The following AGAP1 variants were observed in gnomAD, a reference collection of about 807,000 sequenced individuals.
The protein encoded by AGAP1 is arf-GAP with GTPase, ANK repeat and PH domain-containing protein 1.
A neutral mutation model predicts 105.3 loss-of-function variants in AGAP1; 29 were observed. That is an observed-to-expected ratio of 0.28 (90% CI 0.21 to 0.38). The LOEUF (loss-of-function observed/expected upper bound fraction) is 0.38, where lower values mean the gene tolerates loss of function less well. Among genes scored for constraint, AGAP1 ranks in the 10% least tolerant of loss-of-function variants. The probability of loss-of-function intolerance (pLI) is 1.00; values close to 1 mark genes in which losing one functional copy is unlikely to be tolerated. For synonymous variants in AGAP1, 509 were observed against 485.9 expected (o/e 1.05, Z -0.63); for missense variants, 998 against 1,165.1 (o/e 0.86, Z 2.09).
chr2:235,670,653 C>T (rs1011049098), intron 1 of AGAP1: 46 of 641,778 alleles, frequency 7.2e-5, no homozygotes, highest in Non-Finnish European at 1.2e-4. Context: ...GCCTGGGCGC[C>T]GTGCGACGAG....
rs1559221095 is a variant in AGAP1 at position 236,044,234 on chromosome 2, C to T, written c.1891+3393C>T. Reference sequence around the variant, plus strand: ...ACCTGTTCAGCATGGCCCAACCCAGCATGTCCCAGGCCCATCGGACAGTGG... The same window carrying T: ...ACCTGTTCAGCATGGCCCAACCCAGTATGTCCCAGGCCCATCGGACAGTGG... On this transcript the variant is annotated intron_variant, in intron 15 of 17. Transcript: ENST00000304032. The surrounding 1 kb of genome is among the most constrained non-coding windows in gnomAD (Gnocchi z 5.7). Among the ~76,000 whole-genome samples, 1 of 152,208 alleles carries T rather than the reference C, an allele frequency of 6.6e-6. No individual in the cohort carries two copies. Among genetic ancestry groups the T allele is most frequent in the African/African-American group, 2.4e-5 (1 of 41,452 alleles).
In AGAP1 at chr2:235,877,443, G is replaced by T. The variant is rs55732892; in HGVS notation, c.1051-5902G>T. ...CTTTGGTGTCAGCTGCCTCGTGACC[G>T]TATCACGTGGTGACCCCAGTCTCTT... On this transcript the variant is annotated intron_variant, in intron 9 of 17. Coordinates refer to ENST00000304032, the MANE Select transcript of AGAP1 (RefSeq NM_001037131.3). This position sits in a 1 kb window ranked among gnomAD's most constrained non-coding sequence, Gnocchi z 4.3. Among the ~76,000 whole-genome samples, 8 of 152,258 alleles carry T rather than the reference G, an allele frequency of 5.3e-5. No homozygotes were observed. Among genetic ancestry groups the T allele is most frequent in the Non-Finnish European group, 1.2e-4 (8 of 68,022 alleles).
chr2:235,597,344 GC>G (rs1355932317), intron 1 of AGAP1, among the ~76,000 whole-genome samples: 6 of 152,198 alleles, frequency 3.9e-5, no homozygotes, highest in Admixed American at 6.5e-5. Flanking sequence ...TGAGGACGGG[GC>G]TTGCTTTGTC....
At chr2:235,946,413 AC>A (rs2053504717) in intron 12 of AGAP1, among the ~76,000 whole-genome samples, 1 of 150,020 alleles carries the variant, frequency 6.7e-6, no homozygotes, top group African/African-American at 2.5e-5. Flanking sequence ...CAGGTGATCC[AC>A]CTGCCTCGGC....
Position 235,570,158 on chromosome 2 carries a change from G to C in AGAP1, c.163+75309G>C, listed in dbSNP as rs187959907. ...CCCCCTAGCCTTTGCTTTACTTGCT[G>C]TGCCCAGTTCCATGAGAAGGAGTTG... is the stretch of plus-strand genomic sequence containing the variant. On this transcript the variant is annotated intron_variant, in intron 1 of 17. Transcript: ENST00000304032. Among the ~76,000 whole-genome samples the C allele has an allele frequency of 5.2e-3, 798 of 152,240 alleles. 7 individuals carry two copies. The highest frequency in any genetic ancestry group is 4.8e-3 in the Non-Finnish European group (328 of 68,032).
intron 1 of AGAP1, among the ~76,000 whole-genome samples, chr2:235,496,539 C>G (rs1479323885): frequency 6.6e-6 from 1 of 152,200 alleles, no homozygotes; most frequent in Non-Finnish European, 1.5e-5. Flanking sequence ...CTGGCTGCAT[C>G]CACAGAAGTC....
At position 235,741,725 on chromosome 2, in the gene AGAP1, G is replaced by GTTA. The variant is rs533667014; in HGVS notation, c.396+689_396+691dup. 1.8e-4 allele frequency among the ~76,000 whole-genome samples: 27 copies of GTTA among 149,738 alleles called. No homozygotes were observed. The highest frequency in any genetic ancestry group is 5.1e-4 in the African/African-American group (21 of 40,948). ...TGTTATTATTATTATTGTTGTTGTT[G>GTTA]TTATTATTATTATTGTTATTTTTTA... On this transcript the variant is annotated intron_variant, in intron 4 of 17. Transcript: ENST00000304032. This position sits in a 1 kb window ranked among gnomAD's most constrained non-coding sequence, Gnocchi z 4.9.
intron 16 of AGAP1, among the ~76,000 whole-genome samples, chr2:236,118,820 C>G (rs2125970057): frequency 6.6e-6 from 1 of 152,174 alleles, no homozygotes; most frequent in East Asian, 1.9e-4. Context: ...AATTTCTTGT[C>G]CCCCACCACC....
At chr2:235,513,765 C>T (rs1439097227) in intron 1 of AGAP1, among the ~76,000 whole-genome samples, 3 of 152,176 alleles carry the variant, frequency 2.0e-5, no homozygotes, top group East Asian at 1.9e-4. Flanking sequence ...CCATTGGGTG[C>T]ATTTCTGGCT....
At chr2:235,688,702 A>C (rs1393440330) in intron 1 of AGAP1, among the ~76,000 whole-genome samples, 1 of 152,208 alleles carries the variant, frequency 6.6e-6, no homozygotes, top group Non-Finnish European at 1.5e-5. Flanking sequence ...CAAGGGAGTC[A>C]CCGCTGCTGA....
chr2:235,956,939 A>C (rs2053977683), intron 12 of AGAP1, among the ~76,000 whole-genome samples: 1 of 152,152 alleles, frequency 6.6e-6, no homozygotes, highest in Non-Finnish European at 1.5e-5. Context: ...ACGTTTTAAA[A>C]TCTTCCTTAT....
intron 13 of AGAP1, among the ~76,000 whole-genome samples, chr2:236,029,623 C>G (rs2057164135): frequency 6.6e-6 from 1 of 152,084 alleles, no homozygotes; most frequent in African/African-American, 2.4e-5. Flanking sequence ...TAGTGGACGT[C>G]TATTGGTAAT....
chr2:235,772,822 G>GTC (rs969579123), intron 6 of AGAP1, among the ~76,000 whole-genome samples: 1 of 152,188 alleles, frequency 6.6e-6, no homozygotes, highest in Non-Finnish European at 1.5e-5. Context: ...ATGCAAGCGG[G>GTC]TCTCTCTCTG....
At position 235,842,011 on chromosome 2, in the gene AGAP1, G is replaced by T. The variant is rs1051533804; in HGVS notation, c.1050+34680G>T. Among the ~76,000 whole-genome samples the T allele has an allele frequency of 1.3e-5, 2 of 152,308 alleles. No homozygotes were observed. Among genetic ancestry groups the T allele is most frequent in the South Asian group, 4.1e-4 (2 of 4,824 alleles). On this transcript the variant is annotated intron_variant, in intron 9 of 17. Coordinates refer to ENST00000304032, the MANE Select transcript of AGAP1 (RefSeq NM_001037131.3). This position sits in a 1 kb window ranked among gnomAD's most constrained non-coding sequence, Gnocchi z 5.3. Reference sequence around the variant, plus strand: ...AATCTTGCCGTCACCACTCCATGCAGACGCTGGGATACTAAGGTTTTCACC... The same window carrying T: ...AATCTTGCCGTCACCACTCCATGCATACGCTGGGATACTAAGGTTTTCACC...
At chr2:235,541,411 G>T (rs1319497173) in intron 1 of AGAP1, among the ~76,000 whole-genome samples, 1 of 104,176 alleles carries the variant, frequency 9.6e-6, no homozygotes, top group African/African-American at 3.7e-5. Context: ...TTTTTGAGAC[G>T]AAGTCTCACT....
At chr2:235,696,472 C>T (rs565190235) in intron 1 of AGAP1, among the ~76,000 whole-genome samples, 25 of 152,220 alleles carry the variant, frequency 1.6e-4, no homozygotes, top group African/African-American at 5.8e-4. Flanking sequence ...GGTCGGGTGC[C>T]CCAGCTTCCA....
chr2:236,043,210 T>C (rs986927318), intron 15 of AGAP1, among the ~76,000 whole-genome samples: 1 of 152,190 alleles, frequency 6.6e-6, no homozygotes. Context: ...CTTTCGACAA[T>C]GTATATAAAA....
In AGAP1 at chr2:235,866,556, A is replaced by T. The variant is rs377558222; in HGVS notation, c.1051-16789A>T. 2.5e-4 allele frequency among the ~76,000 whole-genome samples: 38 copies of T among 152,278 alleles called. 1 individual carries two copies. Among genetic ancestry groups the T allele is most frequent in the African/African-American group, 8.7e-4 (36 of 41,554 alleles). On this transcript the variant is annotated intron_variant, in intron 9 of 17. Coordinates refer to ENST00000304032, the MANE Select transcript of AGAP1 (RefSeq NM_001037131.3). The surrounding 1 kb of genome is among the most constrained non-coding windows in gnomAD (Gnocchi z 6.1). ...ATGCTGGGTGCCATCAGTGTGCTGGAGGGGGAAGGGGGAGACAGCATTTCT... is the reference window on the plus strand; with the variant it reads ...ATGCTGGGTGCCATCAGTGTGCTGGTGGGGGAAGGGGGAGACAGCATTTCT...
In AGAP1 at chr2:235,737,190, G is replaced by T. The variant is rs1952304139; in HGVS notation, c.311-3773G>T. The stretch of plus-strand genomic sequence containing the variant: ...TACAACCTGGCTGCTGGAGCACCTG[G>T]CTGAATTTTATCTTATTATTCACCT... On this transcript the variant is annotated intron_variant, in intron 3 of 17. Coordinates refer to ENST00000304032, the MANE Select transcript of AGAP1 (RefSeq NM_001037131.3). This position sits in a 1 kb window ranked among gnomAD's most constrained non-coding sequence, Gnocchi z 4.5. Among the ~76,000 whole-genome samples the T allele has an allele frequency of 6.6e-6, 1 of 152,064 alleles. No individual in the cohort carries two copies. The highest frequency in any genetic ancestry group is 1.5e-5 in the Non-Finnish European group (1 of 68,010).
Sources: allele counts gnomAD v4.1 joint callset (sites outside exome capture counted in the v4.1 genomes callset), GRCh38; gene constraint gnomAD v4.1.1; non-coding constraint Gnocchi (gnomAD v3.1); transcripts MANE v1.5; gene names NCBI Gene and HGNC (gene_info 2026-07-23, HGNC 2026-07-21).